Variants in E2F3 observed in about 807,000 individuals in gnomAD.
E2F3 encodes the protein E2F transcription factor 3.
A neutral mutation model predicts 44.4 loss-of-function variants in E2F3; 11 were observed. The ratio of observed to expected loss-of-function variants is 0.25; its 90% CI spans 0.16 to 0.41. The LOEUF (loss-of-function observed/expected upper bound fraction) is 0.41, where lower values mean the gene tolerates loss of function less well. E2F3 is among the 10% of genes least tolerant of loss of function. The probability of loss-of-function intolerance (pLI) is 1.00; values close to 1 mark genes in which losing one functional copy is unlikely to be tolerated. For missense variants in E2F3, 487 were observed against 583.6 expected, an observed-to-expected ratio of 0.83 and a Z score of 1.70; for synonymous variants, 249 against 253.0, an observed-to-expected ratio of 0.98 and a Z score of 0.15.
At chr6:20,435,974 CT>C (rs68162662) in intron 1 of E2F3, among the ~76,000 whole-genome samples, 6,085 of 139,650 alleles carry the variant, frequency 0.044, 382 homozygotes, top group African/African-American at 0.17. Context: ...AAGAATTGTC[CT>C]TTTTTTTTTT....
chr6:20,419,077 T>G (rs942209058), intron 1 of E2F3, among the ~76,000 whole-genome samples: 1 of 152,202 alleles, frequency 6.6e-6, no homozygotes, highest in Non-Finnish European at 1.5e-5. Flanking sequence ...AAAGTGCACA[T>G]CGTGGCTTGC....
chr6:20,473,626 G>A (rs7770636), intron 1 of E2F3, among the ~76,000 whole-genome samples: 102,097 of 152,058 alleles, frequency 0.67, 35,275 homozygotes, highest in Non-Finnish European at 0.77. Context: ...TCTGTGGCAT[G>A]TGTGCCTTTG....
intron 4 of E2F3, among the ~76,000 whole-genome samples, chr6:20,486,059 C>G (rs985137910): frequency 6.6e-6 from 1 of 152,106 alleles, no homozygotes; most frequent in Admixed American, 6.6e-5. Flanking sequence ...GCAAAGGACC[C>G]TGGCTTCAAG....
chr6:20,484,354 C>T (rs1415620253), intron 4 of E2F3, among the ~76,000 whole-genome samples: 3 of 152,234 alleles, frequency 2.0e-5, no homozygotes, highest in African/African-American at 7.2e-5. Context: ...AGCTTGTTCA[C>T]AAATGTGTTG....
At chr6:20,487,361 AGAAT>A (rs1466588561) in intron 5 of E2F3, among the ~76,000 whole-genome samples, 1 of 152,226 alleles carries the variant, frequency 6.6e-6, no homozygotes, top group Non-Finnish European at 1.5e-5. Flanking sequence ...AGATAAAAAG[AGAAT>A]GAAAGTTACA....
In E2F3 at chr6:20,479,831, A is replaced by G; in HGVS notation, c.394-15A>G. 6.2e-7 allele frequency: 1 copy of G among 1,603,626 alleles called. No individual in the cohort carries two copies. On this transcript the variant is annotated splice_polypyrimidine_tract_variant and intron_variant, in intron 1 of 6. Transcript: ENST00000346618. Reference sequence around the variant, plus strand: ...CATATGACCGGTGACGAGAGATCGCACTTTCTTATTACAGGCAAAGCGAAG... The same window carrying G: ...CATATGACCGGTGACGAGAGATCGCGCTTTCTTATTACAGGCAAAGCGAAG...
chr6:20,461,100 CTG>C lies in E2F3; in HGVS notation c.394-18745_394-18744del, dbSNP rs1561872222. The stretch of plus-strand genomic sequence containing the variant: ...TATACTAAGTCTCATGCCCATTCTT[CTG>C]CCTCACTAATTGACACTTGTTTTTA... On this transcript the variant is annotated intron_variant, in intron 1 of 6. Coordinates refer to ENST00000346618, the MANE Select transcript of E2F3 (RefSeq NM_001949.5). 2.7e-5 allele frequency among the ~76,000 whole-genome samples: 4 copies of C among 150,614 alleles called. No homozygotes were observed. The East Asian group carries it at 7.9e-4, about 30-fold the overall frequency.
rs559571799 is a variant in E2F3, at chr6:20,465,526, C to T, written c.394-14320C>T. Among the ~76,000 whole-genome samples the T allele has an allele frequency of 5.3e-5, 8 of 152,154 alleles. No individual in the cohort carries two copies. The South Asian group carries it at 1.7e-3, about 32-fold the overall frequency. ...TGGTATTTGGTTACATGAGTAAGTT[C>T]TTTAGTGGTGATTTGTGAGATTTTG... On this transcript the variant is annotated intron_variant, in intron 1 of 6. Transcript: ENST00000346618.
At chr6:20,427,101 C>G (rs1760241802) in intron 1 of E2F3, among the ~76,000 whole-genome samples, 1 of 152,124 alleles carries the variant, frequency 6.6e-6, no homozygotes, top group Non-Finnish European at 1.5e-5. Context: ...ACAATGTTAG[C>G]TGGGGTTTTT....
At chr6:20,426,228 A>G (rs1760210341) in intron 1 of E2F3, among the ~76,000 whole-genome samples, 1 of 152,216 alleles carries the variant, frequency 6.6e-6, no homozygotes, top group Admixed American at 6.5e-5. Context: ...TCATATCCTG[A>G]GTCCTTTAAT....
At position 20,484,255 on chromosome 6, in the gene E2F3, C is replaced by T. The variant is rs144965223; in HGVS notation, c.884+1335C>T. 5.5e-4 allele frequency among the ~76,000 whole-genome samples: 84 copies of T among 152,246 alleles called. 1 individual carries two copies. Among genetic ancestry groups the T allele is most frequent in the South Asian group, 3.3e-3 (16 of 4,822 alleles). On this transcript the variant is annotated intron_variant, in intron 4 of 6. Coordinates refer to ENST00000346618, the MANE Select transcript of E2F3 (RefSeq NM_001949.5). ...CCCAAGGAGTAAATTCAGGAGGGAGCCACAAAGGAAGCACTTTTAAGTTTG... is the reference window on the plus strand; with the variant it reads ...CCCAAGGAGTAAATTCAGGAGGGAGTCACAAAGGAAGCACTTTTAAGTTTG...
intron 1 of E2F3, among the ~76,000 whole-genome samples, chr6:20,413,176 A>G (rs1428679897): frequency 6.6e-6 from 1 of 152,178 alleles, no homozygotes; most frequent in African/African-American, 2.4e-5. Context: ...AAGTAGTAAA[A>G]ATCCAAGATA....
intron 1 of E2F3, among the ~76,000 whole-genome samples, chr6:20,476,684 C>T (rs1012409155): frequency 6.6e-6 from 1 of 152,122 alleles, no homozygotes; most frequent in East Asian, 1.9e-4. Flanking sequence ...AACCTGTTCG[C>T]GGTGGGGGCG....
chr6:20,419,239 T>C (rs1759945547), intron 1 of E2F3, among the ~76,000 whole-genome samples: 3 of 152,216 alleles, frequency 2.0e-5, no homozygotes, highest in Admixed American at 2.0e-4. Flanking sequence ...TCATTTTTCA[T>C]TTTAACTATT....
intron 1 of E2F3, among the ~76,000 whole-genome samples, chr6:20,423,551 A>G (rs541666846): frequency 1.3e-5 from 2 of 152,154 alleles, no homozygotes; most frequent in African/African-American, 4.8e-5. Flanking sequence ...GCTCACTGCA[A>G]CCTCTGCCTC....
intron 1 of E2F3, among the ~76,000 whole-genome samples, chr6:20,448,252 C>T (rs1266364647): frequency 1.3e-5 from 2 of 152,224 alleles, no homozygotes; most frequent in Admixed American, 6.5e-5. Flanking sequence ...AAATAATCAG[C>T]TCTCCAAGGA....
chr6:20,417,118 T>A (rs779672572), intron 1 of E2F3, among the ~76,000 whole-genome samples: 7 of 152,358 alleles, frequency 4.6e-5, no homozygotes, highest in Non-Finnish European at 8.8e-5. Flanking sequence ...CATTAAAAAA[T>A]TTTTATAGCT....
At chr6:20,486,279 A>G (rs1234504567) in intron 4 of E2F3, among the ~76,000 whole-genome samples, 1 of 151,978 alleles carries the variant, frequency 6.6e-6, no homozygotes, top group Non-Finnish European at 1.5e-5. Context: ...GGAGACATAC[A>G]CATACTTTTT....
rs1759697283 is a variant in E2F3, at chr6:20,412,214, C to G, written c.393+9589C>G. Among the ~76,000 whole-genome samples, 3 of 152,110 alleles carry G rather than the reference C, an allele frequency of 2.0e-5. No homozygotes were observed. In the South Asian group the frequency reaches 6.2e-4, roughly 32 times the overall value. ...AGAGGAACAGGTGAGAGTCACCAGA[C>G]TCCAGCTGGGCCGTGAGATGGGGAG... On this transcript the variant is annotated intron_variant, in intron 1 of 6. Transcript: ENST00000346618.
Sources: allele counts gnomAD v4.1 joint callset (sites outside exome capture counted in the v4.1 genomes callset), GRCh38; gene constraint gnomAD v4.1.1; transcripts MANE v1.5; gene names NCBI Gene and HGNC (gene_info 2026-07-23, HGNC 2026-07-21).